Variants in HECW2 observed in about 807,000 individuals in gnomAD.
HECW2 encodes E3 ubiquitin-protein ligase HECW2.
Under a neutral mutation model 175.2 loss-of-function variants are expected in HECW2, and 61 were observed. The ratio of observed to expected loss-of-function variants is 0.35; its 90% CI spans 0.28 to 0.43. The LOEUF (loss-of-function observed/expected upper bound fraction) is 0.43, where lower values mean the gene tolerates loss of function less well. Ranked by LOEUF, HECW2 falls within the 20% of genes least tolerant of loss-of-function variation. The pLI, the probability that HECW2 is intolerant of heterozygous loss-of-function variation, is 1.00. For missense variants in HECW2, 1,524 were observed against 2,000.5 expected (o/e 0.76, Z 4.54); for synonymous variants, 671 against 731.0 (o/e 0.92, Z 1.32).
Position 196,242,068 on chromosome 2 carries a change from T to A in HECW2, c.3650+16A>T. The A allele has an allele frequency of 6.2e-7, 1 of 1,613,556 alleles. No homozygotes were observed. The highest frequency in any genetic ancestry group is 8.5e-7 in the Non-Finnish European group (1 of 1,179,458). On this transcript the variant is annotated intron_variant, in intron 20 of 28. Transcript: ENST00000644978. ...CACCATCTATACATTATGTGGTTTG[T>A]GTCACTTTGACTTACTTTAACTTCC... is the stretch of plus-strand genomic sequence containing the variant.
intron 1 of HECW2, among the ~76,000 whole-genome samples, chr2:196,450,254 AGAAGG>A (rs1490520520): frequency 6.6e-6 from 1 of 152,252 alleles, no homozygotes; most frequent in Non-Finnish European, 1.5e-5. Context: ...TAGGTGAAGC[AGAAGG>A]GAAAGAATCT....
chr2:196,462,941 A>C (rs1696805400), intron 1 of HECW2, among the ~76,000 whole-genome samples: 1 of 152,212 alleles, frequency 6.6e-6, no homozygotes, highest in African/African-American at 2.4e-5. Context: ...CCAATACAAG[A>C]GAGAAGTGCC....
At chr2:196,365,170 G>A (rs1027390220) in intron 2 of HECW2, among the ~76,000 whole-genome samples, 1 of 152,204 alleles carries the variant, frequency 6.6e-6, no homozygotes, top group Non-Finnish European at 1.5e-5. Context: ...CTTAACTAAA[G>A]TAGCTCATTC....
intron 6 of HECW2, among the ~76,000 whole-genome samples, chr2:196,323,613 G>A (rs6720035): frequency 0.041 from 6,250 of 152,226 alleles, 461 homozygotes; most frequent in African/African-American, 0.14. Context: ...TAAAAAAGCC[G>A]AGTTTAATCC....
At chr2:196,234,885 G>A (rs1050432693) in intron 21 of HECW2, among the ~76,000 whole-genome samples, 2 of 152,098 alleles carry the variant, frequency 1.3e-5, no homozygotes, top group African/African-American at 4.8e-5. Flanking sequence ...CCACAACTTT[G>A]CAAAGGCAGA....
intron 1 of HECW2, among the ~76,000 whole-genome samples, chr2:196,543,535 C>T (rs1689298499): frequency 6.6e-6 from 1 of 152,046 alleles, no homozygotes; most frequent in South Asian, 2.1e-4. Context: ...TTTAATATTG[C>T]CATCCTTCTC....
At chr2:196,224,718 G>T (rs1299721063) in intron 23 of HECW2, among the ~76,000 whole-genome samples, 1 of 152,158 alleles carries the variant, frequency 6.6e-6, no homozygotes, top group Non-Finnish European at 1.5e-5. Context: ...CCAGGCTGAA[G>T]TGTGCTTAGG....
At chr2:196,227,505 T>A (rs1219442799) in intron 22 of HECW2, among the ~76,000 whole-genome samples, 1 of 152,216 alleles carries the variant, frequency 6.6e-6, no homozygotes, top group African/African-American at 2.4e-5. Context: ...AAACTTCAAA[T>A]GGCTAATACG....
intron 1 of HECW2, among the ~76,000 whole-genome samples, chr2:196,444,469 C>T (rs1696127421): frequency 6.6e-6 from 1 of 152,188 alleles, no homozygotes; most frequent in Non-Finnish European, 1.5e-5. Context: ...ACATTTTTAA[C>T]CCTTAATGCT....
chr2:196,559,380 TCATCAC>T (rs1689919344), intron 1 of HECW2, among the ~76,000 whole-genome samples: 1 of 152,182 alleles, frequency 6.6e-6, no homozygotes, highest in Non-Finnish European at 1.5e-5. Flanking sequence ...TTCAATTCCT[TCATCAC>T]CCCCAATATA....
At chr2:196,317,073 C>G (rs1426746749) in intron 10 of HECW2, 2 of 510,106 alleles carry the variant, frequency 3.9e-6, no homozygotes, top group Non-Finnish European at 7.1e-6. Context: ...TTACAGCTGC[C>G]CTTTCTTTCA....
In HECW2 at chr2:196,215,909, T is replaced by C; in HGVS notation, c.4563A>G (p.Arg1521=). The C allele has an allele frequency of 6.2e-7, 1 of 1,614,086 alleles. No homozygotes were observed. The highest frequency in any genetic ancestry group is 8.5e-7 in the Non-Finnish European group (1 of 1,179,936). ...TCCCCCATTTCTCCACACAGAATCT[T>C]CTTGGGCCGTTACTCCCTCGGAGTG... is the stretch of plus-strand genomic sequence containing the variant. ...FASLRGSNGP[R]RFCVEKWGKI... Residue 1521 remains arginine (R), a synonymous_variant, in exon 28 of 29, where the codon AGA becomes AGG. Transcript: ENST00000644978.
At position 196,343,678 on chromosome 2, in the gene HECW2, G is replaced by T; in HGVS notation, c.379C>A (p.Pro127Thr). Reference protein sequence around the residue: ...QKGQIVWRIEPGPYFMEPEIK... With the variant: ...QKGQIVWRIETGPYFMEPEIK... ...TTACGTTCCATGAAATAGGGCCCAGGCTCAATTCTCCATACAATTTGCCCT... is the reference window on the plus strand; with the variant it reads ...TTACGTTCCATGAAATAGGGCCCAGTCTCAATTCTCCATACAATTTGCCCT... The change falls in exon 3 of 29, where the codon CCT (proline) becomes ACT (threonine). Residue 127 changes from proline (P) to threonine (T), a missense_variant. Physicochemically the swap from Pro to Thr is conservative, Grantham distance 38. Around this residue, in one of 11 missense-constraint regions of HECW2, gnomAD observed 135 missense variants for 214.6 expected, o/e 0.63. Transcript: ENST00000644978. 6.2e-7 allele frequency: 1 copy of T among 1,611,694 alleles called. No homozygotes were observed. The highest frequency in any genetic ancestry group is 1.1e-5 in the South Asian group (1 of 90,998).
chr2:196,296,926 T>C (rs1046208573), intron 13 of HECW2, among the ~76,000 whole-genome samples: 2 of 152,232 alleles, frequency 1.3e-5, no homozygotes, highest in Non-Finnish European at 2.9e-5. Flanking sequence ...TGGGGTTTAG[T>C]GGTTCTAACT....
chr2:196,236,340 T>C (rs902814901), intron 21 of HECW2, among the ~76,000 whole-genome samples: 2 of 152,222 alleles, frequency 1.3e-5, no homozygotes, highest in African/African-American at 2.4e-5. Flanking sequence ...CATATTTTCT[T>C]TTAATAAATG....
chr2:196,260,427 G>T (rs752837730), intron 17 of HECW2: 1 of 152,122 alleles, frequency 6.6e-6, no homozygotes, highest in Non-Finnish European at 1.5e-5. Flanking sequence ...CATTTTCTGC[G>T]TGCCTATTGT....
intron 1 of HECW2, among the ~76,000 whole-genome samples, chr2:196,523,744 TTGTCTTTGGC>T: frequency 6.6e-6 from 1 of 151,534 alleles, no homozygotes; most frequent in Non-Finnish European, 1.5e-5. Context: ...CATGTGGTTT[TTGTCTTTGGC>T]TCTGTTTATA....
chr2:196,570,967 C>T (rs1025305708), intron 1 of HECW2, among the ~76,000 whole-genome samples: 2 of 152,152 alleles, frequency 1.3e-5, no homozygotes, highest in Admixed American at 1.3e-4. Flanking sequence ...GTTCAAAGAA[C>T]GTATGGCCAC....
chr2:196,522,880 GC>G, intron 1 of HECW2, among the ~76,000 whole-genome samples: 1 of 152,298 alleles, frequency 6.6e-6, no homozygotes, highest in East Asian at 1.9e-4. Context: ...GGTTACTGTA[GC>G]CTTGTAGTAT....
Sources: allele counts gnomAD v4.1 joint callset (sites outside exome capture counted in the v4.1 genomes callset), GRCh38; gene constraint gnomAD v4.1.1; regional missense constraint gnomAD v4.1.1; transcripts MANE v1.5; gene names NCBI Gene and HGNC (gene_info 2026-07-23, HGNC 2026-07-21).